The following MTERF4 variants were observed in gnomAD, a reference collection of about 807,000 sequenced individuals.
The protein encoded by MTERF4 is transcription termination factor 4, mitochondrial.
A neutral mutation model predicts 22.5 loss-of-function variants in MTERF4; 17 were observed. That is an observed-to-expected ratio of 0.75 (90% CI 0.52 to 1.13). The LOEUF is 1.13. Among genes scored for constraint, MTERF4 ranks in the 50% most tolerant of loss-of-function variants. The probability of loss-of-function intolerance (pLI) is 0.00; values close to 1 mark genes in which losing one functional copy is unlikely to be tolerated. For missense variants in MTERF4, 420 were observed against 466.8 expected (o/e 0.90, Z 0.92); for synonymous variants, 165 against 175.3 (o/e 0.94, Z 0.47).
At chr2:241,050,040 C>T in the MTERF4 span, 1 of 813,774 alleles carries the variant, frequency 1.2e-6, no homozygotes, top group Non-Finnish European at 2.1e-6. Context: ...GAATTGCTGA[C>T]CTCGTCTAGA....
At chr2:241,049,117 G>A in the MTERF4 span, 112 of 1,611,148 alleles carry the variant, frequency 7.0e-5, no homozygotes, top group Non-Finnish European at 9.0e-5. Flanking sequence ...CTGCCACACC[G>A]ACCACAATGC....
At chr2:241,084,134 A>ATTTTTTTTT (rs368364855), downstream of MTERF4, among the ~76,000 whole-genome samples, 4 of 123,318 alleles carry the variant, frequency 3.2e-5, no homozygotes, top group African/African-American at 9.7e-5. Context: ...AGCGTCTAGG[A>ATTTTTTTTT]TTTTTTTTTT....
the MTERF4 span, among the ~76,000 whole-genome samples, chr2:241,046,685 T>G: frequency 1.3e-5 from 2 of 152,296 alleles, no homozygotes; most frequent in South Asian, 4.1e-4. Context: ...ACCAAAGAAG[T>G]CTTTCAGGGA....
At chr2:241,072,491 C>T in exon 5 of MTERF4, 1 of 342,326 alleles carries the variant, frequency 2.9e-6, no homozygotes, top group South Asian at 2.2e-5. Context: ...TGCCTCTCAC[C>T]TGGAAGGCCA....
chr2:241,049,095 C>A, the MTERF4 span: 1 of 1,612,602 alleles, frequency 6.2e-7, no homozygotes, highest in Non-Finnish European at 8.5e-7. Flanking sequence ...ACGGCGGGAG[C>A]TACCTCTGCG....
At chr2:241,076,492 C>CA (rs2063025771) in intron 4 of MTERF4, among the ~76,000 whole-genome samples, 1 of 152,170 alleles carries the variant, frequency 6.6e-6, no homozygotes, top group Admixed American at 6.5e-5. Context: ...ACCATCTTGC[C>CA]AAACTCTCCT....
the MTERF4 span, among the ~76,000 whole-genome samples, chr2:241,055,817 T>A: frequency 6.6e-6 from 1 of 152,192 alleles, no homozygotes; most frequent in Non-Finnish European, 1.5e-5. Context: ...AGGATTAGAT[T>A]CCAAGTCCAC....
chr2:241,096,433 T>C lies in MTERF4; in HGVS notation c.711A>G (p.Ala237=), dbSNP rs752394008. The C allele has an allele frequency of 4.0e-5, 64 of 1,613,712 alleles. No homozygotes were observed. Among genetic ancestry groups the C allele is most frequent in the Non-Finnish European group, 5.1e-5 (60 of 1,179,924 alleles). Residue 237 remains alanine, a synonymous_variant, in exon 4 of 4, where the codon GCA becomes GCG. Coordinates refer to ENST00000391980, the MANE Select transcript of MTERF4 (RefSeq NM_182501.4). The surrounding 1 kb of genome is among the most constrained non-coding windows in gnomAD (Gnocchi z 5.1). Reference sequence around the variant, plus strand: ...GATGCTTAATTCCCATCCTGAAGTATGCATACTGGAAGACACAAACACACT... The same window carrying C: ...GATGCTTAATTCCCATCCTGAAGTACGCATACTGGAAGACACAAACACACT... The part of the protein sequence containing the change: ...LGQLEYKFQY[A]YFRMGIKHPD...
At chr2:241,100,956 G>A (rs2125389982) in intron 1 of MTERF4, among the ~76,000 whole-genome samples, 1 of 152,216 alleles carries the variant, frequency 6.6e-6, no homozygotes, top group South Asian at 2.1e-4. Flanking sequence ...GTTCAGGCTG[G>A]TGCTTAACAA....
At chr2:241,074,883 C>G (rs1046069085) in exon 5 of MTERF4, 2 of 152,206 alleles carry the variant, frequency 1.3e-5, no homozygotes, top group Non-Finnish European at 2.9e-5. Flanking sequence ...CTCAGTTAAC[C>G]ATGATCCTGA....
At chr2:241,081,787 G>GACTT in intron 4 of MTERF4, 1 of 1,584,128 alleles carries the variant, frequency 6.3e-7, no homozygotes. Flanking sequence ...CAGACGCTGC[G>GACTT]AGCTCGGTAA....
downstream of MTERF4, chr2:241,090,145 C>T: frequency 2.7e-6 from 4 of 1,473,706 alleles, no homozygotes; most frequent in South Asian, 4.2e-5. Context: ...AAAATACAAA[C>T]ACACTGTACG....
chr2:241,076,256 G>C (rs1278265805), intron 4 of MTERF4, among the ~76,000 whole-genome samples: 1 of 152,136 alleles, frequency 6.6e-6, no homozygotes, highest in Admixed American at 6.5e-5. Context: ...AGGATAGTAA[G>C]TCTATATCCA....
chr2:241,083,182 A>G (rs980913617), downstream of MTERF4, among the ~76,000 whole-genome samples: 2 of 152,196 alleles, frequency 1.3e-5, no homozygotes, highest in Non-Finnish European at 2.9e-5. Flanking sequence ...CTGGTGCAGC[A>G]AGAGGGCAGC....
the MTERF4 span, chr2:241,053,317 C>G: frequency 6.3e-7 from 1 of 1,576,786 alleles, no homozygotes; most frequent in Non-Finnish European, 8.6e-7. Flanking sequence ...TGAGCCTCCC[C>G]AGTGCCTTGG....
chr2:241,050,928 C>T, the MTERF4 span, among the ~76,000 whole-genome samples: 1 of 152,222 alleles, frequency 6.6e-6, no homozygotes, highest in South Asian at 2.1e-4. Context: ...AGGAACTGCA[C>T]AGCCCTCCCC....
chr2:241,094,686 C>T, downstream of MTERF4: 1 of 308,518 alleles, frequency 3.2e-6, no homozygotes, highest in East Asian at 9.5e-5. This position sits in a 1 kb window ranked among gnomAD's most constrained non-coding sequence, Gnocchi z 4.3. Flanking sequence ...ACATTCTGGG[C>T]CGGATCATCC....
At chr2:241,072,422 A>T (rs2062777639) in exon 5 of MTERF4, 1 of 360,434 alleles carries the variant, frequency 2.8e-6, no homozygotes, top group South Asian at 2.1e-5. Flanking sequence ...AAGCCCTGAG[A>T]CATGTTGGCA....
chr2:241,071,289 G>A (rs2062701081), downstream of MTERF4: 2 of 490,886 alleles, frequency 4.1e-6, no homozygotes, highest in Non-Finnish European at 7.4e-6. Flanking sequence ...CTTGAGTGAC[G>A]GGCAGGGGCC....
Sources: allele counts gnomAD v4.1 joint callset (sites outside exome capture counted in the v4.1 genomes callset), GRCh38; gene constraint gnomAD v4.1.1; non-coding constraint Gnocchi (gnomAD v3.1); transcripts MANE v1.5; gene names NCBI Gene and HGNC (gene_info 2026-07-23, HGNC 2026-07-21).